Variants in CLIC5 observed in about 807,000 individuals in gnomAD.
The protein encoded by CLIC5 is CLIC family member 5, also known as chloride intracellular channel protein 5.
Under a neutral mutation model 24.7 loss-of-function variants are expected in CLIC5, and 20 were observed. The observed-to-expected ratio is 0.81, with a 90% CI of 0.57 to 1.18. The LOEUF (loss-of-function observed/expected upper bound fraction) is 1.18. Ranked by LOEUF, CLIC5 falls within the 50% of genes most tolerant of loss-of-function variation. The probability of loss-of-function intolerance (pLI) is 0.00; values close to 1 mark genes in which losing one functional copy is unlikely to be tolerated. For synonymous variants in CLIC5, 159 were observed against 135.6 expected, an observed-to-expected ratio of 1.17 and a Z score of -1.20; for missense variants, 341 against 326.1, an observed-to-expected ratio of 1.05 and a Z score of -0.35.
At chr6:46,081,888 T>G (rs1762925641), upstream of CLIC5, among the ~76,000 whole-genome samples, 1 of 152,198 alleles carries the variant, frequency 6.6e-6, no homozygotes, top group African/African-American at 2.4e-5. Context: ...TTCCAATCTT[T>G]TTTTCATGAT....
chr6:46,015,093 C>A (rs1018897265), intron 1 of CLIC5, among the ~76,000 whole-genome samples: 1 of 152,236 alleles, frequency 6.6e-6, no homozygotes, highest in Non-Finnish European at 1.5e-5. Context: ...ATTCCTCCCC[C>A]TCCTCCCGTT....
At chr6:45,911,134 A>G (rs1445529900) in intron 5 of CLIC5, among the ~76,000 whole-genome samples, 1 of 152,142 alleles carries the variant, frequency 6.6e-6, no homozygotes, top group Admixed American at 6.5e-5. Flanking sequence ...AGTTTTAATA[A>G]TTCCAACCTC....
At chr6:46,051,501 T>A (rs1768100612) in intron 1 of CLIC5, among the ~76,000 whole-genome samples, 1 of 152,208 alleles carries the variant, frequency 6.6e-6, no homozygotes, top group African/African-American at 2.4e-5. Flanking sequence ...CTACGTGCAA[T>A]CCATAAGACG....
chr6:45,959,464 A>C (rs907730089), intron 1 of CLIC5, among the ~76,000 whole-genome samples: 1 of 152,258 alleles, frequency 6.6e-6, no homozygotes, highest in African/African-American at 2.4e-5. Flanking sequence ...CTGACTTAGT[A>C]GAAGTCGGCT....
rs945499669 is a variant in CLIC5 at position 45,900,806 on chromosome 6, A to G, written c.*2282T>C. On this transcript the variant is annotated 3_prime_UTR_variant, in exon 6 of 6. Coordinates refer to ENST00000339561, the MANE Select transcript of CLIC5 (RefSeq NM_016929.5). ...TCTGTAAAACTAGCTCAACCACAGA[A>G]GGGACATCTAGAAACAGCAATATTG... is the stretch of plus-strand genomic sequence containing the variant. The G allele has an allele frequency of 2.0e-5, 3 of 152,178 alleles. No individual in the cohort carries two copies. The highest frequency in any genetic ancestry group is 4.4e-5 in the Non-Finnish European group (3 of 68,036). The allele number at this position is 152,178 out of a possible 1,614,324, so 9.4% of individuals were successfully genotyped here. A position where few individuals can be genotyped will look rare whatever the true frequency, so the allele number is the denominator to read the frequency against.
chr6:46,061,066 G>A (rs1035805593), intron 1 of CLIC5, among the ~76,000 whole-genome samples: 2 of 152,230 alleles, frequency 1.3e-5, no homozygotes, highest in Admixed American at 6.5e-5. Context: ...GGAAGGAATA[G>A]GCAATAGACG....
intron 1 of CLIC5, among the ~76,000 whole-genome samples, chr6:45,999,732 G>GTTTTTTTTTTTTTTTTTT (rs1201850451): frequency 2.0e-5 from 1 of 50,848 alleles, no homozygotes; most frequent in African/African-American, 9.6e-5. Context: ...CTTCCTTGTG[G>GTTTTTTTTTTTTTTTTTT]TTTTTTTTTT....
chr6:46,051,260 T>C (rs1768094773), intron 1 of CLIC5, among the ~76,000 whole-genome samples: 1 of 152,244 alleles, frequency 6.6e-6, no homozygotes, highest in Non-Finnish European at 1.5e-5. Context: ...TAAACATTTG[T>C]TGAGTTGAGT....
At chr6:46,002,117 A>G (rs1766385475) in intron 1 of CLIC5, among the ~76,000 whole-genome samples, 1 of 152,154 alleles carries the variant, frequency 6.6e-6, no homozygotes, top group Admixed American at 6.6e-5. Context: ...CTCAAGGAGG[A>G]ATGAAGCTGC....
chr6:46,106,300 G>T, the CLIC5 span, among the ~76,000 whole-genome samples: 1 of 152,108 alleles, frequency 6.6e-6, no homozygotes, highest in Non-Finnish European at 1.5e-5. Context: ...TAGAGACAGG[G>T]TTTCACCATG....
chr6:45,992,170 G>A (rs965445467), intron 1 of CLIC5, among the ~76,000 whole-genome samples: 1 of 152,144 alleles, frequency 6.6e-6, no homozygotes, highest in African/African-American at 2.4e-5. Context: ...CACCTATAAA[G>A]CCCACCTCTA....
chr6:46,079,635 A>G, intron 1 of CLIC5: 1 of 1,334,920 alleles, frequency 7.5e-7, no homozygotes, highest in Non-Finnish European at 1.0e-6. Flanking sequence ...CTGGTCATTC[A>G]GAGCAAAATA....
chr6:46,103,006 A>T, the CLIC5 span, among the ~76,000 whole-genome samples: 1 of 152,194 alleles, frequency 6.6e-6, no homozygotes, highest in Non-Finnish European at 1.5e-5. Context: ...TTCTTCTTTG[A>T]TTAATTCTTT....
downstream of CLIC5, among the ~76,000 whole-genome samples, chr6:45,894,015 C>T (rs921153681): frequency 3.3e-5 from 5 of 152,090 alleles, no homozygotes; most frequent in South Asian, 2.1e-4. Flanking sequence ...CTCGTGGACA[C>T]GTAGCTAAGT....
intron 1 of CLIC5, among the ~76,000 whole-genome samples, chr6:46,033,625 T>C (rs183017884): frequency 1.8e-4 from 28 of 152,320 alleles, no homozygotes; most frequent in Admixed American, 7.8e-4. Flanking sequence ...CCCTTCCTCA[T>C]TCTGAGAGCT....
At chr6:45,991,672 G>A (rs1231323327) in intron 1 of CLIC5, among the ~76,000 whole-genome samples, 2 of 152,186 alleles carry the variant, frequency 1.3e-5, no homozygotes, top group Non-Finnish European at 2.9e-5. Context: ...GGAGGAAGAT[G>A]GGGTTTCCTC....
At chr6:45,925,164 G>A (rs188012967) in intron 4 of CLIC5, among the ~76,000 whole-genome samples, 20 of 152,300 alleles carry the variant, frequency 1.3e-4, no homozygotes, top group Admixed American at 9.8e-4. Flanking sequence ...GCTTAGAACA[G>A]GGCATGGTTC....
intron 1 of CLIC5, among the ~76,000 whole-genome samples, chr6:46,070,284 T>C (rs965812975): frequency 6.6e-6 from 1 of 152,152 alleles, no homozygotes; most frequent in African/African-American, 2.4e-5. Flanking sequence ...AGTCAAACTA[T>C]CCCTGTTTGT....
At chr6:46,067,540 G>T (rs1762475445) in intron 1 of CLIC5, among the ~76,000 whole-genome samples, 1 of 152,158 alleles carries the variant, frequency 6.6e-6, no homozygotes, top group Non-Finnish European at 1.5e-5. Flanking sequence ...CAGGAACAAG[G>T]ATGCACTGAA....
Sources: gnomAD v4.1 joint callset for allele counts (sites outside exome capture counted in the v4.1 genomes callset) on GRCh38, gnomAD v4.1.1 for gene constraint, MANE v1.5 for transcripts, NCBI Gene and HGNC (gene_info 2026-07-23, HGNC 2026-07-21) for gene names.